ZNF484: variants seen among roughly 807,000 people sequenced by gnomAD.
ZNF484 encodes zinc finger protein 484, also known as KRAB box containing C2H2 type zinc finger bA526D8.4.
In ZNF484, 11 loss-of-function variants were observed where a neutral mutation model predicts 12.9. The observed-to-expected ratio is 0.85, with a 90% CI of 0.54 to 1.41. The LOEUF (loss-of-function observed/expected upper bound fraction) is 1.41. ZNF484 is among the 40% of genes most tolerant of loss of function. ZNF484 has a pLI of 0.00. For missense variants in ZNF484, 807 were observed against 1,007.7 expected, an observed-to-expected ratio of 0.80 and a Z score of 2.70; for synonymous variants, 289 against 334.1, an observed-to-expected ratio of 0.86 and a Z score of 1.47.
chr9:92,846,348 T>G lies in ZNF484; in HGVS notation c.2439A>C (p.Leu813Phe). The change falls in exon 5 of 5, where the codon TTA becomes TTC. Residue 813 changes from leucine (L) to phenylalanine (F), a missense_variant. Transcript: ENST00000375495. Reference protein sequence around the residue: ...PYKCSDLGKALNWKPQLSMPQ... With the variant: ...PYKCSDLGKAFNWKPQLSMPQ... ...GCATACTGAGTTGTGGCTTCCAGTTTAAGGCTTTCCCCAAGTCACTGCACT... is the reference window on the plus strand; with the variant it reads ...GCATACTGAGTTGTGGCTTCCAGTTGAAGGCTTTCCCCAAGTCACTGCACT... 6.2e-7 allele frequency: 1 copy of G among 1,614,182 alleles called. No individual in the cohort carries two copies. The highest frequency in any genetic ancestry group is 8.5e-7 in the Non-Finnish European group (1 of 1,179,992).
chr9:92,858,847 C>T (rs1346629412), intron 2 of ZNF484, among the ~76,000 whole-genome samples: 20 of 151,964 alleles, frequency 1.3e-4, no homozygotes, highest in Admixed American at 1.2e-3. Context: ...AAAACTAGGC[C>T]GGGCGTGGTG....
chr9:92,866,527 C>T lies in ZNF484; in HGVS notation c.15+8488G>A, dbSNP rs191475448. 3.8e-3 allele frequency among the ~76,000 whole-genome samples: 578 copies of T among 152,248 alleles called. 1 individual carries two copies. Among genetic ancestry groups the T allele is most frequent in the African/African-American group, 0.013 (542 of 41,538 alleles). ...CGAGGCTGTGGAGAAATAGGAACAC[C>T]TTTACACTGTTGGTGGGAATGTAAA... On this transcript the variant is annotated intron_variant, in intron 2 of 4. Coordinates refer to ENST00000375495, the MANE Select transcript of ZNF484 (RefSeq NM_031486.4).
chr9:92,849,967 A>G (rs1029927984), intron 4 of ZNF484, among the ~76,000 whole-genome samples: 4 of 152,130 alleles, frequency 2.6e-5, no homozygotes, highest in Non-Finnish European at 4.4e-5. Flanking sequence ...ACAACTGGCT[A>G]ATTTTTGTAT....
At chr9:92,850,923 T>TG (rs1194070212) in intron 4 of ZNF484, among the ~76,000 whole-genome samples, 2 of 152,110 alleles carry the variant, frequency 1.3e-5, no homozygotes, top group Non-Finnish European at 2.9e-5. Flanking sequence ...ATCCCTGGTT[T>TG]GGGGTACTGA....
Position 92,844,781 on chromosome 9 carries a change from AG to A in ZNF484, c.*1446del, listed in dbSNP as rs1305839868. On this transcript the variant is annotated 3_prime_UTR_variant, in exon 5 of 5. Transcript: ENST00000375495. ...TTGTCACCACCAAACTCACAGTAAAAGAAATACTAAAGGGTGTTCCTCAGTA... is the reference window on the plus strand; with the variant it reads ...TTGTCACCACCAAACTCACAGTAAAAAAATACTAAAGGGTGTTCCTCAGTA... Among the ~76,000 whole-genome samples, 6 of 152,184 alleles carry A rather than the reference AG, an allele frequency of 3.9e-5. No individual in the cohort carries two copies. The highest frequency in any genetic ancestry group is 9.7e-5 in the African/African-American group (4 of 41,444).
rs115439124 is a variant in ZNF484 at position 92,854,921 on chromosome 9, C to T, written c.235+890G>A. ...AAAAACTTGAGTAGGATATATAATA[C>T]AGTACCATTTCTACAAATTAACAAT... On this transcript the variant is annotated intron_variant, in intron 4 of 4. Coordinates refer to ENST00000375495, the MANE Select transcript of ZNF484 (RefSeq NM_031486.4). Among the ~76,000 whole-genome samples the T allele has an allele frequency of 5.9e-3, 897 of 152,088 alleles. 7 individuals are homozygous for T. The highest frequency in any genetic ancestry group is 0.021 in the African/African-American group (866 of 41,488).
intron 2 of ZNF484, among the ~76,000 whole-genome samples, chr9:92,868,941 A>G (rs1857268564): frequency 6.6e-6 from 1 of 152,008 alleles, no homozygotes; most frequent in African/African-American, 2.4e-5. Flanking sequence ...ACCTAGGCTG[A>G]TCTCAAATTC....
chr9:92,874,407 G>A (rs1231130777), intron 2 of ZNF484, among the ~76,000 whole-genome samples: 1 of 151,610 alleles, frequency 6.6e-6, no homozygotes, highest in Non-Finnish European at 1.5e-5. Context: ...TGCCTCCTGG[G>A]TTAAAGCAAT....
intron 1 of ZNF484, among the ~76,000 whole-genome samples, chr9:92,877,618 T>C (rs1259282357): frequency 2.0e-5 from 3 of 152,088 alleles, no homozygotes; most frequent in Admixed American, 2.0e-4. Flanking sequence ...GTTCCCATAG[T>C]CATCCTCCCC....
intron 2 of ZNF484, among the ~76,000 whole-genome samples, chr9:92,856,654 A>G (rs1435518907): frequency 6.6e-6 from 1 of 152,256 alleles, no homozygotes; most frequent in Non-Finnish European, 1.5e-5. Flanking sequence ...TCTGGATGAT[A>G]AAGAAAATGT....
chr9:92,860,384 C>T (rs912477624), intron 2 of ZNF484, among the ~76,000 whole-genome samples: 2 of 151,916 alleles, frequency 1.3e-5, no homozygotes, highest in African/African-American at 2.4e-5. Context: ...AGGTGGATCA[C>T]GAGGTCAGGA....
Position 92,856,301 on chromosome 9 carries a change from CT to C in ZNF484, c.32del (p.Lys11ArgfsTer3). On this transcript the variant is annotated frameshift_variant, in exon 3 of 5. Transcript: ENST00000375495. LOFTEE classifies it high-confidence loss of function. MTKSLESVSF[K>X]DVTVDFSRDE... Reference sequence around the variant, plus strand: ...CCCTACTGAAGTCTACAGTTACGTCCTTGAATGACACTGATTCCTGTTAAAA... The same window carrying C: ...CCCTACTGAAGTCTACAGTTACGTCCTGAATGACACTGATTCCTGTTAAAA... 1 of 1,592,974 alleles carries C rather than the reference CT, an allele frequency of 6.3e-7. No homozygotes were observed. The highest frequency in any genetic ancestry group is 8.5e-7 in the Non-Finnish European group (1 of 1,169,788).
At chr9:92,871,643 T>C (rs919510485) in intron 2 of ZNF484, among the ~76,000 whole-genome samples, 5 of 152,174 alleles carry the variant, frequency 3.3e-5, no homozygotes, top group African/African-American at 9.7e-5. Context: ...ATAGTGAAAC[T>C]TGTGAAAAAT....
In ZNF484 at chr9:92,873,830, A is replaced by G. The variant is rs957652754; in HGVS notation, c.15+1185T>C. 5.3e-5 allele frequency among the ~76,000 whole-genome samples: 8 copies of G among 152,196 alleles called. No individual in the cohort carries two copies. The South Asian group carries it at 1.4e-3, about 28-fold the overall frequency. On this transcript the variant is annotated intron_variant, in intron 2 of 4. Coordinates refer to ENST00000375495, the MANE Select transcript of ZNF484 (RefSeq NM_031486.4). The stretch of plus-strand genomic sequence containing the variant: ...TGATACCTAAACCAGAAATAGTACC[A>G]AAAGAAAAAACAGAAAGAGAGACAG...
In ZNF484 at chr9:92,846,741, A is replaced by G; in HGVS notation, c.2046T>C (p.His682=). The G allele has an allele frequency of 6.2e-7, 1 of 1,613,976 alleles. No homozygotes were observed. Among genetic ancestry groups the G allele is most frequent in the Non-Finnish European group, 8.5e-7 (1 of 1,179,990 alleles). ...AFTRKSGLHI[H]QQSHTGERHY... is the part of the protein sequence containing the mutation. ...GCCTTTCTCCAGTATGGGATTGCTG[A>G]TGTATATGGAGACCTGACTTCCTAG... The change falls in exon 5 of 5, where the codon CAT becomes CAC. Residue 682 remains histidine (H), a synonymous_variant. Transcript: ENST00000375495.
intron 2 of ZNF484, among the ~76,000 whole-genome samples, 166 bp from the exon 3 acceptor site, chr9:92,856,484 C>T (rs10761174): frequency 0.66 from 100,682 of 151,902 alleles, 34,242 homozygotes; most frequent in African/African-American, 0.81. Context: ...TACAATTCAA[C>T]GACAACGAAC....
chr9:92,865,347 G>A (rs899046421), intron 2 of ZNF484, among the ~76,000 whole-genome samples: 17 of 152,074 alleles, frequency 1.1e-4, no homozygotes, highest in Non-Finnish European at 2.5e-4. Flanking sequence ...TAAAAAAAAG[G>A]GGGAGGAATG....
intron 1 of ZNF484, among the ~76,000 whole-genome samples, chr9:92,877,585 C>T (rs752056066): frequency 1.3e-5 from 2 of 152,066 alleles, no homozygotes; most frequent in Admixed American, 6.6e-5. Flanking sequence ...GTGCATCATT[C>T]ACACTCCTCA....
At chr9:92,864,754 G>A (rs149808588) in intron 2 of ZNF484, among the ~76,000 whole-genome samples, 15 of 152,136 alleles carry the variant, frequency 9.9e-5, no homozygotes, top group Non-Finnish European at 2.1e-4. Flanking sequence ...TGGAGAAATT[G>A]ATAAACCTAC....
Sources: gnomAD v4.1 joint callset for allele counts (sites outside exome capture counted in the v4.1 genomes callset) on GRCh38, gnomAD v4.1.1 for gene constraint, MANE v1.5 for transcripts, NCBI Gene and HGNC (gene_info 2026-07-23, HGNC 2026-07-21) for gene names.